The following ZFHX3 variants were observed in gnomAD, a reference collection of about 807,000 sequenced individuals.
ZFHX3 encodes zinc finger homeobox 3.
ZFHX3 carries 42 observed loss-of-function variants against 279.1 expected under a neutral mutation model. The observed-to-expected ratio is 0.15, with a 90% CI of 0.12 to 0.19. ZFHX3 has a LOEUF of 0.19. Among genes scored for constraint, ZFHX3 ranks in the 10% least tolerant of loss-of-function variants. The pLI is 1.00. For synonymous variants in ZFHX3, 2,293 were observed against 1,957.8 expected (o/e 1.17, Z -4.52); for missense variants, 4,981 against 4,754.0 (o/e 1.05, Z -1.40).
chr16:73,638,424 T>C (rs1019336832), intron 2 of ZFHX3, among the ~76,000 whole-genome samples: 1 of 152,236 alleles, frequency 6.6e-6, no homozygotes, highest in Non-Finnish European at 1.5e-5. Context: ...TGGTTCTTAC[T>C]TGTCACTTTT....
In ZFHX3 at chr16:72,928,214, A is replaced by G. The variant is rs901598108; in HGVS notation, c.3216+22255T>C. Among the ~76,000 whole-genome samples, 130 of 17,006 alleles carry G rather than the reference A, an allele frequency of 7.6e-3. 13 individuals are homozygous for G. The highest frequency in any genetic ancestry group is 0.034 in the Admixed American group (45 of 1,332). The allele number at this position is 17,006 out of a possible 152,430, so 11.2% of individuals were successfully genotyped here. A position where few individuals can be genotyped will look rare whatever the true frequency, so the allele number is the denominator to read the frequency against. On this transcript the variant is annotated intron_variant, in intron 3 of 9. Transcript: ENST00000268489. ...GGGGGAGGGGAGCGAGGGGGAGCGA[A>G]GGGGAGCGAGGGGGAGCGAGAGAGG... is the stretch of plus-strand genomic sequence containing the variant.
At chr16:73,702,599 G>C (rs2053259733) in intron 1 of ZFHX3, among the ~76,000 whole-genome samples, 1 of 152,188 alleles carries the variant, frequency 6.6e-6, no homozygotes, top group African/African-American at 2.4e-5. Flanking sequence ...TCCACAATGA[G>C]CTGGCCACAG....
chr16:73,671,165 G>T lies in ZFHX3; in HGVS notation c.-1547+9015C>A, dbSNP rs1248169428. 3.9e-5 allele frequency among the ~76,000 whole-genome samples: 6 copies of T among 152,336 alleles called. No homozygotes were observed. The East Asian group carries it at 7.7e-4, about 20-fold the overall frequency. Reference sequence around the variant, plus strand: ...TCAAATGGGAACCCTTTTGCAGTTCGCAGATTTCCAAGACTTCTGGGGAGA... The same window carrying T: ...TCAAATGGGAACCCTTTTGCAGTTCTCAGATTTCCAAGACTTCTGGGGAGA... On this transcript the variant is annotated intron_variant, in intron 2 of 17. Coordinates refer to the ZFHX3 transcript ENST00000641206.
chr16:73,441,456 T>A (rs1467335620), intron 3 of ZFHX3, among the ~76,000 whole-genome samples: 1 of 152,118 alleles, frequency 6.6e-6, no homozygotes, highest in Non-Finnish European at 1.5e-5. Context: ...AAAGAGCCCA[T>A]CCAGCCAACC....
chr16:73,401,583 T>G (rs574438910), intron 3 of ZFHX3: 2 of 152,200 alleles, frequency 1.3e-5, no homozygotes, highest in South Asian at 4.1e-4. Flanking sequence ...GAATTCTAGA[T>G]AACAGATGCC....
At chr16:73,275,395 G>A (rs1212242438) in intron 4 of ZFHX3, among the ~76,000 whole-genome samples, 1 of 150,950 alleles carries the variant, frequency 6.6e-6, no homozygotes, top group Non-Finnish European at 1.5e-5. Flanking sequence ...ATCACTTGAC[G>A]AAGCTTCGGG....
intron 2 of ZFHX3, among the ~76,000 whole-genome samples, chr16:73,614,432 T>C (rs2052278037): frequency 6.6e-6 from 1 of 152,228 alleles, no homozygotes. Flanking sequence ...TTGAAAGATG[T>C]AAATACCATT....
At chr16:73,023,547 G>A (rs577985957) in intron 1 of ZFHX3, among the ~76,000 whole-genome samples, 13 of 152,286 alleles carry the variant, frequency 8.5e-5, no homozygotes, top group South Asian at 6.2e-4. Flanking sequence ...CAATGCCCCC[G>A]GCTCCCTCCC....
At chr16:72,820,705 G>T (rs1027341423) in intron 5 of ZFHX3, among the ~76,000 whole-genome samples, 11 of 152,122 alleles carry the variant, frequency 7.2e-5, no homozygotes, top group Admixed American at 1.3e-4. Flanking sequence ...TGTGAGGATG[G>T]GTGGCCACAG....
chr16:72,973,380 A>T (rs1962191745), intron 1 of ZFHX3: 1 of 151,940 alleles, frequency 6.6e-6, no homozygotes, highest in Admixed American at 6.6e-5. Context: ...TCACCCCAAG[A>T]TCTACCACTA....
intron 1 of ZFHX3, among the ~76,000 whole-genome samples, chr16:73,002,456 A>G (rs1031681817): frequency 6.6e-6 from 1 of 152,094 alleles, no homozygotes; most frequent in Non-Finnish European, 1.5e-5. Context: ...CACATATCAC[A>G]ACTGCATACT....
intron 2 of ZFHX3, among the ~76,000 whole-genome samples, chr16:73,662,962 A>T (rs1462710098): frequency 6.6e-6 from 1 of 152,180 alleles, no homozygotes; most frequent in Non-Finnish European, 1.5e-5. Flanking sequence ...GAGATTTGTA[A>T]ATCTTTCTTC....
At chr16:73,879,268 G>T in intron 1 of ZFHX3, among the ~76,000 whole-genome samples, 1 of 147,132 alleles carries the variant, frequency 6.8e-6, no homozygotes. Flanking sequence ...TACCATCGTG[G>T]TCAGGAGCAG....
intron 4 of ZFHX3, among the ~76,000 whole-genome samples, chr16:73,286,648 T>TATAG (rs2014607039): frequency 6.7e-6 from 1 of 149,668 alleles, no homozygotes; most frequent in Admixed American, 6.6e-5. Context: ...TGTGTGGGTG[T>TATAG]ATAGGTTTGT....
intron 7 of ZFHX3, among the ~76,000 whole-genome samples, chr16:73,125,655 C>T (rs557279831): frequency 9.2e-5 from 14 of 152,160 alleles, no homozygotes; most frequent in Admixed American, 9.2e-4. Context: ...ATGCTTCCTG[C>T]CTTCGAACAC....
Position 72,960,001 on chromosome 16 carries a change from G to C in ZFHX3, c.145C>G (p.Pro49Ala). The C allele has an allele frequency of 6.2e-7, 1 of 1,613,894 alleles. No homozygotes were observed. Among genetic ancestry groups the C allele is most frequent in the Non-Finnish European group, 8.5e-7 (1 of 1,179,842 alleles). Residue 49 changes from proline (P) to alanine (A), a missense_variant, in exon 2 of 10, where the codon CCC becomes GCC. By Grantham distance (27) the Pro-to-Ala change is conservative. Coordinates refer to ENST00000268489, the MANE Select transcript of ZFHX3 (RefSeq NM_006885.4). ...MEQSTGESHG[P>A]LDSLRAPFNE... ...AAGGGGGCCCTCAGGCTGTCCAAGGGCCCGTGGCTCTCGCCTGTGGACTGC... is the reference window on the plus strand; with the variant it reads ...AAGGGGGCCCTCAGGCTGTCCAAGGCCCCGTGGCTCTCGCCTGTGGACTGC...
chr16:73,583,817 C>A (rs1423287372), intron 2 of ZFHX3, among the ~76,000 whole-genome samples: 1 of 152,084 alleles, frequency 6.6e-6, no homozygotes, highest in African/African-American at 2.4e-5. Flanking sequence ...TATTAAGACC[C>A]TCTAGAACTT....
intron 4 of ZFHX3, among the ~76,000 whole-genome samples, chr16:73,263,680 T>C (rs539165208): frequency 2.0e-5 from 3 of 152,298 alleles, no homozygotes; most frequent in African/African-American, 7.2e-5. Context: ...GCAAGAGAGA[T>C]TGGTACAGGA....
intron 1 of ZFHX3, among the ~76,000 whole-genome samples, chr16:73,841,736 TAAG>T (rs906366994): frequency 1.1e-4 from 17 of 152,316 alleles, no homozygotes; most frequent in African/African-American, 3.8e-4. Flanking sequence ...GAACTTTGCA[TAAG>T]AAGTGACTTA....
Sources: allele counts gnomAD v4.1 joint callset (sites outside exome capture counted in the v4.1 genomes callset), GRCh38; gene constraint gnomAD v4.1.1; transcripts MANE v1.5; gene names NCBI Gene and HGNC (gene_info 2026-07-23, HGNC 2026-07-21).